Variants in CAMTA1 observed in about 807,000 individuals in gnomAD.
CAMTA1 encodes calmodulin-binding transcription activator 1.
In CAMTA1, 27 loss-of-function variants were observed where a neutral mutation model predicts 170.9. The ratio of observed to expected loss-of-function variants is 0.16; its 90% CI spans 0.12 to 0.22. CAMTA1 has a LOEUF of 0.22. Ranked by LOEUF, CAMTA1 falls within the 10% of genes least tolerant of loss-of-function variation. The pLI, the probability that CAMTA1 is intolerant of heterozygous loss-of-function variation, is 1.00. For synonymous variants in CAMTA1, 833 were observed against 891.5 expected, an observed-to-expected ratio of 0.93 and a Z score of 1.17; for missense variants, 1,619 against 2,217.2, an observed-to-expected ratio of 0.73 and a Z score of 5.42.
chr1:7,490,183 G>C (rs1212837896), intron 6 of CAMTA1, among the ~76,000 whole-genome samples: 1 of 152,242 alleles, frequency 6.6e-6, no homozygotes, highest in Admixed American at 6.5e-5. Context: ...TCCTCTGGGT[G>C]AATCTGGTGC....
rs779094972 is a variant in CAMTA1 at position 7,065,159 on chromosome 1, G to A, written c.235-26145G>A. ...ATCCTGGGCCAGGAGCTCCCAGAAG[G>A]ACCTAGGCTTGAGACCTGAGTTTGT... On this transcript the variant is annotated intron_variant, in intron 3 of 22. Transcript: ENST00000303635. The surrounding 1 kb of genome is among the most constrained non-coding windows in gnomAD (Gnocchi z 5.2). Among the ~76,000 whole-genome samples, 4 of 152,206 alleles carry A rather than the reference G, an allele frequency of 2.6e-5. No individual in the cohort carries two copies. The highest frequency in any genetic ancestry group is 5.9e-5 in the Non-Finnish European group (4 of 68,042).
At position 7,664,609 on chromosome 1, in the gene CAMTA1, G is replaced by C; in HGVS notation, c.2062G>C (p.Gly688Arg). The change falls in exon 9 of 23, where the codon GGG (glycine) becomes CGG (arginine). Residue 688 changes from glycine to arginine, a missense_variant. Around this residue, in one of 8 missense-constraint regions of CAMTA1, gnomAD observed 731 missense variants for 907.6 expected, o/e 0.81. Transcript: ENST00000303635. ...QANFQAMTAE[G>R]EVTMETSQAA... ...CAACTTCCAGGCCATGACGGCAGAA[G>C]GGGAGGTCACCATGGAGACCTCGCA... 13 of 1,611,358 alleles carry C rather than the reference G, an allele frequency of 8.1e-6. No homozygotes were observed. Among genetic ancestry groups the C allele is most frequent in the Non-Finnish European group, 1.1e-5 (13 of 1,178,548 alleles).
chr1:7,383,828 G>A (rs1327982703), intron 5 of CAMTA1, among the ~76,000 whole-genome samples: 1 of 152,132 alleles, frequency 6.6e-6, no homozygotes, highest in Admixed American at 6.5e-5. Context: ...AGGAGGATGA[G>A]GGTGATGAGG....
intron 6 of CAMTA1, among the ~76,000 whole-genome samples, chr1:7,575,941 G>A (rs1001573461): frequency 5.9e-5 from 9 of 152,166 alleles, no homozygotes; most frequent in East Asian, 5.8e-4. Context: ...GCAGAGGGGC[G>A]ATCAAGGAAA....
rs928264465 is a variant in CAMTA1, at chr1:7,561,291, C to G, written c.511-79109C>G. Among the ~76,000 whole-genome samples the G allele has an allele frequency of 3.3e-5, 5 of 151,726 alleles. No individual in the cohort carries two copies. The highest frequency in any genetic ancestry group is 2.9e-5 in the Non-Finnish European group (2 of 67,894). ...TCTACCATCTGCTCAGCTACCAAGG[C>G]TGAGGTTGGTGCTCCTGGAGGAGCC... On this transcript the variant is annotated intron_variant, in intron 6 of 22. Coordinates refer to ENST00000303635, the MANE Select transcript of CAMTA1 (RefSeq NM_015215.4). The surrounding 1 kb of genome is among the most constrained non-coding windows in gnomAD (Gnocchi z 5.3).
chr1:7,157,214 A>G (rs763647649), intron 4 of CAMTA1, among the ~76,000 whole-genome samples: 15 of 151,770 alleles, frequency 9.9e-5, no homozygotes, highest in African/African-American at 2.9e-4. Context: ...GCGTGGTGGC[A>G]GGCACCTGTA....
At chr1:6,827,172 G>A (rs1647295991) in intron 3 of CAMTA1, among the ~76,000 whole-genome samples, 2 of 152,216 alleles carry the variant, frequency 1.3e-5, no homozygotes, top group African/African-American at 2.4e-5. Flanking sequence ...CAAATTTGAG[G>A]ATCTAGATGG....
chr1:7,514,365 C>T (rs1193773041), intron 6 of CAMTA1, among the ~76,000 whole-genome samples: 1 of 152,216 alleles, frequency 6.6e-6, no homozygotes, highest in East Asian at 1.9e-4. Flanking sequence ...GCTCAGGAGC[C>T]AGGTGCTCCA....
In CAMTA1 at chr1:7,325,805, G is replaced by T. The variant is rs1165531754; in HGVS notation, c.438+76179G>T. Among the ~76,000 whole-genome samples the T allele has an allele frequency of 6.6e-6, 1 of 152,190 alleles. No individual in the cohort carries two copies. The highest frequency in any genetic ancestry group is 1.5e-5 in the Non-Finnish European group (1 of 68,032). The stretch of plus-strand genomic sequence containing the variant: ...AGGGGCCACTGGACCCCCAAGTCTG[G>T]CATTTCAAGGGCAGATCCAGGTTTG... On this transcript the variant is annotated intron_variant, in intron 5 of 22. Coordinates refer to ENST00000303635, the MANE Select transcript of CAMTA1 (RefSeq NM_015215.4). This position sits in a 1 kb window ranked among gnomAD's most constrained non-coding sequence, Gnocchi z 5.0.
In CAMTA1 at chr1:7,660,978, C is replaced by G. The variant is rs567345994; in HGVS notation, c.665-748C>G. On this transcript the variant is annotated intron_variant, in intron 7 of 22. Transcript: ENST00000303635. ...AAAGTCGGTTTAGACTTCCAGCCCC[C>G]ATCCTGCCAGGCAGGTGGGGAAACC... 1.2e-3 allele frequency among the ~76,000 whole-genome samples: 182 copies of G among 152,366 alleles called. 1 individual carries two copies. Among genetic ancestry groups the G allele is most frequent in the African/African-American group, 4.2e-3 (175 of 41,586 alleles).
intron 11 of CAMTA1, among the ~76,000 whole-genome samples, chr1:7,703,931 C>A (rs1272198339): frequency 6.6e-6 from 1 of 152,048 alleles, no homozygotes; most frequent in Non-Finnish European, 1.5e-5. Context: ...CTTTGGAACG[C>A]GGAGGTTAGA....
At chr1:6,877,233 G>C (rs778902535) in intron 3 of CAMTA1, among the ~76,000 whole-genome samples, 4 of 152,170 alleles carry the variant, frequency 2.6e-5, no homozygotes, top group Non-Finnish European at 5.9e-5. Flanking sequence ...GAAGGTTAGG[G>C]CAGTTTTGAG....
chr1:7,378,125 T>A (rs2086987684), intron 5 of CAMTA1, among the ~76,000 whole-genome samples: 1 of 152,142 alleles, frequency 6.6e-6, no homozygotes, highest in African/African-American at 2.4e-5. Context: ...TCTGAGTCTG[T>A]CCTGGGAGAT....
intron 6 of CAMTA1, among the ~76,000 whole-genome samples, chr1:7,507,559 T>C (rs78284986): frequency 0.021 from 3,232 of 152,244 alleles, 110 homozygotes; most frequent in African/African-American, 0.073. Context: ...ACACAGCATC[T>C]TAGTAATTGA....
intron 6 of CAMTA1, among the ~76,000 whole-genome samples, chr1:7,498,733 G>A (rs967125852): frequency 1.0e-4 from 13 of 125,600 alleles, no homozygotes; most frequent in African/African-American, 4.4e-4. Flanking sequence ...GAGTGCATGT[G>A]CAGAGAGGAT....
chr1:7,705,739 CG>C (rs560416789), intron 11 of CAMTA1, among the ~76,000 whole-genome samples: 1 of 152,110 alleles, frequency 6.6e-6, no homozygotes, highest in African/African-American at 2.4e-5. Context: ...GATCGGGCGA[CG>C]GGGGACTGTC....
chr1:7,164,982 T>C (rs1421537904), intron 4 of CAMTA1, among the ~76,000 whole-genome samples: 1 of 152,256 alleles, frequency 6.6e-6, no homozygotes, highest in Non-Finnish European at 1.5e-5. Context: ...CTTTTCTTTA[T>C]GAGAAAGTGT....
chr1:7,583,261 AGG>A (rs1231391522), intron 6 of CAMTA1, among the ~76,000 whole-genome samples: 1 of 151,974 alleles, frequency 6.6e-6, no homozygotes, highest in Non-Finnish European at 1.5e-5. Context: ...GCAGAGGCCC[AGG>A]TGTGTGGAAG....
chr1:7,222,450 G>A (rs1022059607), intron 4 of CAMTA1, among the ~76,000 whole-genome samples: 1 of 152,028 alleles, frequency 6.6e-6, no homozygotes, highest in African/African-American at 2.4e-5. Flanking sequence ...CCTGACTGTT[G>A]ACTACAAAAT....
Sources: allele counts gnomAD v4.1 joint callset (sites outside exome capture counted in the v4.1 genomes callset), GRCh38; gene constraint gnomAD v4.1.1; regional missense constraint gnomAD v4.1.1; non-coding constraint Gnocchi (gnomAD v3.1); transcripts MANE v1.5; gene names NCBI Gene and HGNC (gene_info 2026-07-23, HGNC 2026-07-21).